CRYBG2: variants seen among roughly 807,000 people sequenced by gnomAD.
CRYBG2 encodes crystallin beta-gamma domain containing 2.
Under a neutral mutation model 153.4 loss-of-function variants are expected in CRYBG2, and 106 were observed. That is an observed-to-expected ratio of 0.69 (90% CI 0.59 to 0.81). The LOEUF (loss-of-function observed/expected upper bound fraction) is 0.81. CRYBG2 is among the 30% of genes least tolerant of loss of function. The pLI, the probability that CRYBG2 is intolerant of heterozygous loss-of-function variation, is 0.00. For synonymous variants in CRYBG2, 851 were observed against 877.8 expected (o/e 0.97, Z 0.54); for missense variants, 1,996 against 2,112.0 (o/e 0.95, Z 1.08).
rs542141802 is a variant in CRYBG2 at position 26,353,790 on chromosome 1, T to A, written c.-56+246A>T. On this transcript the variant is annotated intron_variant, in intron 1 of 19. Transcript: ENST00000308182. ...AGAAGGCAACCCCCCTTCCTGCCCA[T>A]CCTCTCCCTGACAGACTTTCCCCTT... Among the ~76,000 whole-genome samples, 77 of 152,122 alleles carry A rather than the reference T, an allele frequency of 5.1e-4. 2 individuals are homozygous for A. The South Asian group carries it at 0.013, about 25-fold the overall frequency.
chr1:26,341,404 CA>C (rs1309763028), intron 5 of CRYBG2, among the ~76,000 whole-genome samples: 1 of 152,110 alleles, frequency 6.6e-6, no homozygotes, highest in Non-Finnish European at 1.5e-5. Context: ...ACTGCTTTTA[CA>C]GTCATTGCTC....
intron 6 of CRYBG2, among the ~76,000 whole-genome samples, 185 bp from the exon 7 acceptor site, chr1:26,338,662 A>G (rs535247915): frequency 3.3e-5 from 5 of 152,200 alleles, no homozygotes; most frequent in African/African-American, 1.2e-4. Flanking sequence ...CTCTAATTTC[A>G]CACAGCAGCT....
At chr1:26,335,462 G>A (rs746442892) in intron 14 of CRYBG2, among the ~76,000 whole-genome samples, 18 of 151,010 alleles carry the variant, frequency 1.2e-4, no homozygotes, top group Non-Finnish European at 1.6e-4. Flanking sequence ...GGGCAACAGA[G>A]CAAAACTCTG....
chr1:26,336,657 C>T lies in CRYBG2; in HGVS notation c.3987G>A (p.Glu1329=). The change falls in exon 12 of 20, where the codon GAG becomes GAA. Residue 1329 remains glutamate, a synonymous_variant. Coordinates refer to ENST00000308182, the MANE Select transcript of CRYBG2 (RefSeq NM_001039775.4). This position sits in a 1 kb window ranked among gnomAD's most constrained non-coding sequence, Gnocchi z 4.9. ...GGGTGCTGTTGCCAGCGCCCCAGTC[C>T]TCGCAGTTACGATACACGCCCTTCT... is the stretch of plus-strand genomic sequence containing the variant. ...VLEKGVYRNC[E]DWGAGNSTLA... 7.1e-6 allele frequency: 11 copies of T among 1,553,086 alleles called. No homozygotes were observed. Among genetic ancestry groups the T allele is most frequent in the Non-Finnish European group, 8.7e-6 (10 of 1,147,940 alleles).
At position 26,344,873 on chromosome 1, in the gene CRYBG2, G is replaced by T; in HGVS notation, c.1785C>A (p.Thr595=). The change falls in exon 2 of 20, where the codon ACC becomes ACA. Residue 595 remains threonine (T), a synonymous_variant. Coordinates refer to ENST00000308182, the MANE Select transcript of CRYBG2 (RefSeq NM_001039775.4). ...GPGAPAASSP[T]QKEVVKGPCA... ...AGGGGCCCTTCACAACCTCTTTCTG[G>T]GTGGGCGATGAGGCAGCAGGAGCAC... 6.5e-7 allele frequency: 1 copy of T among 1,534,232 alleles called. No individual in the cohort carries two copies. The highest frequency in any genetic ancestry group is 8.7e-7 in the Non-Finnish European group (1 of 1,146,380).
chr1:26,350,113 C>T (rs1445222057), intron 1 of CRYBG2, among the ~76,000 whole-genome samples: 1 of 152,096 alleles, frequency 6.6e-6, no homozygotes, highest in East Asian at 1.9e-4. Context: ...TTGTGCCTGA[C>T]CGGACCAGTG....
At chr1:26,348,428 G>A (rs6678641) in intron 1 of CRYBG2, among the ~76,000 whole-genome samples, 28,168 of 152,036 alleles carry the variant, frequency 0.19, 2,701 homozygotes, top group South Asian at 0.23. Context: ...CAGCATGGTG[G>A]TGTGTGCCTG....
chr1:26,344,998 C>G lies in CRYBG2; in HGVS notation c.1660G>C (p.Ala554Pro), dbSNP rs1257276899. Residue 554 changes from alanine (A) to proline (P), a missense_variant, in exon 2 of 20, where the codon GCT becomes CCT. By Grantham distance (27) the Ala-to-Pro change is conservative. Coordinates refer to ENST00000308182, the MANE Select transcript of CRYBG2 (RefSeq NM_001039775.4). ...TWKEVVKGPG[A>P]PAASSPTQKE... ...TGGGTGGGGGATGAGGCAGCAGGAGCACCAGGGCCCTTCACAACCTCTTTC... is the reference window on the plus strand; with the variant it reads ...TGGGTGGGGGATGAGGCAGCAGGAGGACCAGGGCCCTTCACAACCTCTTTC... 9 of 1,244,394 alleles carry G rather than the reference C, an allele frequency of 7.2e-6. 1 individual carries two copies. The Middle Eastern group carries it at 6.4e-4, about 88-fold the overall frequency. The allele number at this position is 1,244,394 out of a possible 1,614,324, so 77.1% of individuals were successfully genotyped here. A position where few individuals can be genotyped will look rare whatever the true frequency, so the allele number is the denominator to read the frequency against.
Position 26,344,049 on chromosome 1 carries a change from CAGG to C in CRYBG2, c.2606_2608del (p.Ser869del). The C allele has an allele frequency of 6.5e-7, 1 of 1,536,128 alleles. No homozygotes were observed. The highest frequency in any genetic ancestry group is 8.7e-7 in the Non-Finnish European group (1 of 1,146,906). ...CTTCTTCATCATCTCCAGAGGAGAG[CAGG>C]AGACCTGGGTGGGTCTGGCAGGGTG... On this transcript the variant is annotated inframe_deletion, in exon 2 of 20. Coordinates refer to ENST00000308182, the MANE Select transcript of CRYBG2 (RefSeq NM_001039775.4).
chr1:26,346,543 C>T lies in CRYBG2; in HGVS notation c.115G>A (p.Val39Met), dbSNP rs1210858630. Residue 39 changes from valine to methionine, a missense_variant, in exon 2 of 20, where the codon GTG (valine) becomes ATG (methionine). By Grantham distance (21) the Val-to-Met change is conservative. Coordinates refer to ENST00000308182, the MANE Select transcript of CRYBG2 (RefSeq NM_001039775.4). This position sits in a 1 kb window ranked among gnomAD's most constrained non-coding sequence, Gnocchi z 4.9. The stretch of plus-strand genomic sequence containing the variant: ...ATCTGGGCCCCTGACACCAGGGACA[C>T]CTTGTGAAAACCATGTTTGATCTCT... ...QEEIKHGFHK[V>M]SLVSGAQMEA... is the part of the protein sequence containing the mutation. 5.6e-6 allele frequency: 9 copies of T among 1,612,742 alleles called. No individual in the cohort carries two copies. The highest frequency in any genetic ancestry group is 1.7e-5 in the Admixed American group (1 of 59,824).
At chr1:26,342,945 T>G in intron 4 of CRYBG2, 62 bp from the exon 5 acceptor site, 1 of 1,596,130 alleles carries the variant, frequency 6.3e-7, no homozygotes, top group East Asian at 2.3e-5. Context: ...GGCTGCTGGG[T>G]AGCTGATGGG....
In CRYBG2 at chr1:26,325,275, C is replaced by T. The variant is rs1320360938; in HGVS notation, c.4579-965G>A. ...GCATGCGCAGTCATAAATGCAATCCCGGCCGGGCGCGGAGGCTCACGCCTG... is the reference window on the plus strand; with the variant it reads ...GCATGCGCAGTCATAAATGCAATCCTGGCCGGGCGCGGAGGCTCACGCCTG... On this transcript the variant is annotated intron_variant, in intron 17 of 19. Coordinates refer to ENST00000308182, the MANE Select transcript of CRYBG2 (RefSeq NM_001039775.4). The surrounding 1 kb of genome is among the most constrained non-coding windows in gnomAD (Gnocchi z 4.1). Among the ~76,000 whole-genome samples, 2 of 152,262 alleles carry T rather than the reference C, an allele frequency of 1.3e-5. No homozygotes were observed. The highest frequency in any genetic ancestry group is 3.9e-4 in the East Asian group (2 of 5,166).
chr1:26,341,135 G>A (rs1046437757), intron 5 of CRYBG2, among the ~76,000 whole-genome samples: 5 of 151,634 alleles, frequency 3.3e-5, no homozygotes, highest in Non-Finnish European at 5.9e-5. Flanking sequence ...TCAGGAGATC[G>A]AGACCATCCT....
At chr1:26,337,464 G>A (rs2074076019) in intron 9 of CRYBG2, 74 bp downstream of exon 9, 1 of 1,601,368 alleles carries the variant, frequency 6.2e-7, no homozygotes, top group Non-Finnish European at 8.5e-7. Context: ...CCCCTACGCA[G>A]CCCAGGTCAC....
chr1:26,338,187 C>T, intron 7 of CRYBG2, 140 bp from the exon 8 acceptor site: 1 of 1,396,410 alleles, frequency 7.2e-7, no homozygotes, highest in Non-Finnish European at 9.7e-7. Context: ...ATCCCTACCT[C>T]TCCTCCCACT....
rs754835075 is a variant in CRYBG2, at chr1:26,336,063, G to T, written c.4184+32C>A. ...CCTGCAGCCCCGCCTCTGCCCCAGCGCCCCCAGCCCTCCGCCCCTCCACGT... is the reference window on the plus strand; with the variant it reads ...CCTGCAGCCCCGCCTCTGCCCCAGCTCCCCCAGCCCTCCGCCCCTCCACGT... On this transcript the variant is annotated intron_variant, in intron 14 of 19. Coordinates refer to ENST00000308182, the MANE Select transcript of CRYBG2 (RefSeq NM_001039775.4). The surrounding 1 kb of genome is among the most constrained non-coding windows in gnomAD (Gnocchi z 4.9). 7.1e-7 allele frequency: 1 copy of T among 1,414,330 alleles called. No individual in the cohort carries two copies. Among genetic ancestry groups the T allele is most frequent in the African/African-American group, 1.5e-5 (1 of 68,862 alleles). 87.6% of individuals were successfully genotyped at this position (1,414,330 alleles called of 1,614,324 possible).
intron 1 of CRYBG2, among the ~76,000 whole-genome samples, 155 bp downstream of exon 1, chr1:26,353,881 G>A (rs546561633): frequency 6.6e-6 from 1 of 152,322 alleles, no homozygotes; most frequent in South Asian, 2.1e-4. Context: ...CAAAGGGAGG[G>A]AGAGGAAGGC....
chr1:26,346,627 C>G lies in CRYBG2; in HGVS notation c.31G>C (p.Ala11Pro). The G allele has an allele frequency of 6.4e-7, 1 of 1,560,608 alleles. No homozygotes were observed. Among genetic ancestry groups the G allele is most frequent in the African/African-American group, 1.4e-5 (1 of 73,582 alleles). The change falls in exon 2 of 20, where the codon GCC becomes CCC. Residue 11 changes from alanine to proline, a missense_variant. Ala to Pro is a conservative substitution (Grantham distance 27). Coordinates refer to ENST00000308182, the MANE Select transcript of CRYBG2 (RefSeq NM_001039775.4). This position sits in a 1 kb window ranked among gnomAD's most constrained non-coding sequence, Gnocchi z 4.9. MEEAGGPMAR[A>P]KARVVSATLT... is the part of the protein sequence containing the mutation. The stretch of plus-strand genomic sequence containing the variant: ...GTGGCACTTACCACTCGGGCCTTGG[C>G]CCGGGCCATGGGCCCACCTGCCTCC...
chr1:26,339,321 G>T lies in CRYBG2; in HGVS notation c.3313C>A (p.Gln1105Lys), dbSNP rs772837484. The change falls in exon 6 of 20, where the codon CAG becomes AAG. Residue 1105 changes from glutamine (Q) to lysine (K), a missense_variant. Coordinates refer to ENST00000308182, the MANE Select transcript of CRYBG2 (RefSeq NM_001039775.4). The stretch of plus-strand genomic sequence containing the variant: ...GCAGAGACGGTGGCAGATGCCACCT[G>T]CAGGGGCTTCTCCAGACCCTGGGAA... ...KNSQGLEKPL[Q>K]VASATVSAGL... 7.5e-5 allele frequency: 121 copies of T among 1,614,046 alleles called. No homozygotes were observed. Among genetic ancestry groups the T allele is most frequent in the Middle Eastern group, 4.9e-4 (3 of 6,084 alleles).
Sources: allele counts gnomAD v4.1 joint callset (sites outside exome capture counted in the v4.1 genomes callset), GRCh38; gene constraint gnomAD v4.1.1; non-coding constraint Gnocchi (gnomAD v3.1); transcripts MANE v1.5; gene names NCBI Gene and HGNC (gene_info 2026-07-23, HGNC 2026-07-21).